Variants in FAF1 observed in about 807,000 individuals in gnomAD.
FAF1 encodes FAS-associated factor 1.
A neutral mutation model predicts 92.5 loss-of-function variants in FAF1; 25 were observed. That is an observed-to-expected ratio of 0.27 (90% confidence interval 0.20 to 0.38). FAF1 has a LOEUF of 0.38. Ranked by LOEUF, FAF1 falls within the 10% of genes least tolerant of loss-of-function variation. The probability of loss-of-function intolerance (pLI) is 1.00; values close to 1 mark genes in which losing one functional copy is unlikely to be tolerated. For synonymous variants in FAF1, 234 were observed against 273.2 expected (o/e 0.86, Z 1.42); for missense variants, 636 against 793.3 (o/e 0.80, Z 2.38).
At chr1:50,447,517 G>C (rs1646243786) in intron 18 of FAF1, among the ~76,000 whole-genome samples, 1 of 152,186 alleles carries the variant, frequency 6.6e-6, no homozygotes, top group Admixed American at 6.5e-5. Context: ...TCTAGTATTT[G>C]TTTGCTTGCC....
chr1:50,717,882 A>C (rs1289957051), intron 6 of FAF1, among the ~76,000 whole-genome samples: 1 of 152,224 alleles, frequency 6.6e-6, no homozygotes, highest in Non-Finnish European at 1.5e-5. Flanking sequence ...TATATGAATT[A>C]TAACTCCATA....
intron 12 of FAF1, among the ~76,000 whole-genome samples, chr1:50,573,046 A>G (rs116037786): frequency 0.013 from 2,027 of 152,164 alleles, 43 homozygotes; most frequent in African/African-American, 0.045. Flanking sequence ...AGTAGAAACA[A>G]ACAAACCACA....
intron 6 of FAF1, among the ~76,000 whole-genome samples, chr1:50,728,737 G>C (rs1369105256): frequency 6.6e-6 from 1 of 150,968 alleles, no homozygotes; most frequent in African/African-American, 2.4e-5. Flanking sequence ...GTTGGAATGA[G>C]CCGAGATTGC....
chr1:50,793,596 G>C (rs926140481), intron 3 of FAF1, among the ~76,000 whole-genome samples: 2 of 152,112 alleles, frequency 1.3e-5, no homozygotes, highest in Admixed American at 1.3e-4. Context: ...ACGTAAGAAG[G>C]GACCACTGGA....
chr1:50,841,225 A>C (rs755296676), intron 2 of FAF1, among the ~76,000 whole-genome samples: 6 of 152,056 alleles, frequency 3.9e-5, no homozygotes, highest in Non-Finnish European at 5.9e-5. Context: ...TGATTCCTAA[A>C]TGCCCTTGAC....
At chr1:50,704,259 C>G (rs1443235814) in intron 7 of FAF1, among the ~76,000 whole-genome samples, 1 of 151,988 alleles carries the variant, frequency 6.6e-6, no homozygotes, top group Non-Finnish European at 1.5e-5. Context: ...GAAACACACT[C>G]AAATAACAGA....
intron 2 of FAF1, among the ~76,000 whole-genome samples, chr1:50,853,470 CAT>C (rs1416710580): frequency 1.3e-5 from 2 of 152,062 alleles, no homozygotes; most frequent in African/African-American, 4.8e-5. Flanking sequence ...TAGGTTGAAA[CAT>C]GTAGTTAAAG....
In FAF1 at chr1:50,539,598, T is replaced by A; in HGVS notation, c.1399A>T (p.Ile467Leu). The A allele has an allele frequency of 6.2e-7, 1 of 1,612,450 alleles. No individual in the cohort carries two copies. The highest frequency in any genetic ancestry group is 8.5e-7 in the Non-Finnish European group (1 of 1,179,056). The change falls in exon 14 of 19, where the codon ATA (isoleucine) becomes TTA (leucine). Residue 467 changes from isoleucine to leucine, a missense_variant. Ile to Leu is a conservative substitution (Grantham distance 5). Around this residue, in one of 2 missense-constraint regions of FAF1, gnomAD observed 319 missense variants for 451.0 expected, o/e 0.71. Transcript: ENST00000396153. ...CTTGTGACATGTACTTTACCTTGTATCACATTCAACACTTCATTAGATGAT... is the reference window on the plus strand; with the variant it reads ...CTTGTGACATGTACTTTACCTTGTAACACATTCAACACTTCATTAGATGAT... ...KRSSNEVLNVIQGNTTVDELM... is the reference protein window; with the variant it reads ...KRSSNEVLNVLQGNTTVDELM...
At chr1:50,686,160 C>T (rs981244143) in intron 7 of FAF1, among the ~76,000 whole-genome samples, 1 of 152,152 alleles carries the variant, frequency 6.6e-6, no homozygotes, top group African/African-American at 2.4e-5. Context: ...AGAAAAATTG[C>T]TATCAACCCA....
intron 1 of FAF1, among the ~76,000 whole-genome samples, chr1:50,862,504 C>T (rs963695538): frequency 5.3e-5 from 8 of 151,666 alleles, no homozygotes; most frequent in Non-Finnish European, 1.2e-4. Context: ...AATAAGATCT[C>T]GTATTTGTTA....
chr1:50,457,849 A>C (rs1646374468), intron 18 of FAF1, among the ~76,000 whole-genome samples: 1 of 139,026 alleles, frequency 7.2e-6, no homozygotes, highest in South Asian at 2.4e-4. Flanking sequence ...TGGGTGACAG[A>C]GTAAGACCCT....
chr1:50,544,211 T>C (rs1456935312), intron 13 of FAF1, among the ~76,000 whole-genome samples: 1 of 152,186 alleles, frequency 6.6e-6, no homozygotes, highest in Non-Finnish European at 1.5e-5. Context: ...AACCATAGCA[T>C]AATCCTAAAT....
intron 13 of FAF1, among the ~76,000 whole-genome samples, chr1:50,542,770 T>C (rs1158747392): frequency 1.3e-5 from 2 of 152,156 alleles, no homozygotes; most frequent in African/African-American, 2.4e-5. Context: ...CTGCCCATCA[T>C]AGAACATTTG....
chr1:50,640,156 C>G (rs1654255282), intron 8 of FAF1, among the ~76,000 whole-genome samples: 3 of 151,758 alleles, frequency 2.0e-5, no homozygotes, highest in African/African-American at 4.8e-5. Context: ...TGTCTCGGAC[C>G]AATTTTGGTA....
intron 15 of FAF1, among the ~76,000 whole-genome samples, chr1:50,499,924 T>A (rs547539630): frequency 2.9e-4 from 44 of 152,264 alleles, no homozygotes; most frequent in Non-Finnish European, 6.0e-4. Flanking sequence ...TATAATAGCA[T>A]AAAATATATG....
chr1:50,708,258 G>A (rs1282674921), intron 6 of FAF1, among the ~76,000 whole-genome samples: 1 of 152,200 alleles, frequency 6.6e-6, no homozygotes, highest in African/African-American at 2.4e-5. Flanking sequence ...AGTGACAGTA[G>A]CTTGGACTAA....
At chr1:50,545,219 G>A (rs1207484491) in intron 13 of FAF1, among the ~76,000 whole-genome samples, 5 of 152,106 alleles carry the variant, frequency 3.3e-5, no homozygotes, top group African/African-American at 1.2e-4. Context: ...TAGCACATAA[G>A]CATGTTAAAA....
intron 1 of FAF1, among the ~76,000 whole-genome samples, chr1:50,899,653 A>G (rs1264562293): frequency 1.3e-5 from 2 of 152,086 alleles, no homozygotes; most frequent in Non-Finnish European, 2.9e-5. Flanking sequence ...GGGTTTCACC[A>G]TGTTGGCCAG....
intron 14 of FAF1, among the ~76,000 whole-genome samples, chr1:50,537,518 T>G (rs980190658): frequency 2.6e-5 from 4 of 152,190 alleles, no homozygotes; most frequent in Non-Finnish European, 4.4e-5. Context: ...ATGTGGATTA[T>G]GGCTATTAAC....
Sources: allele counts gnomAD v4.1 joint callset (sites outside exome capture counted in the v4.1 genomes callset), GRCh38; gene constraint gnomAD v4.1.1; regional missense constraint gnomAD v4.1.1; transcripts MANE v1.5; gene names NCBI Gene and HGNC (gene_info 2026-07-23, HGNC 2026-07-21).